Variants in CERK observed in about 807,000 individuals in gnomAD.
CERK encodes acylsphingosine kinase.
A neutral mutation model predicts 63.4 loss-of-function variants in CERK; 39 were observed. That is an observed-to-expected ratio of 0.61 (90% CI 0.48 to 0.80). The LOEUF is 0.80. CERK is among the 30% of genes least tolerant of loss of function. The probability of loss-of-function intolerance (pLI) is 0.00; values close to 1 mark genes in which losing one functional copy is unlikely to be tolerated. For synonymous variants in CERK, 302 were observed against 280.0 expected, an observed-to-expected ratio of 1.08 and a Z score of -0.78; for missense variants, 670 against 714.1, an observed-to-expected ratio of 0.94 and a Z score of 0.70.
chr22:46,689,202 C>T (rs1020562159), intron 12 of CERK, among the ~76,000 whole-genome samples: 1 of 152,144 alleles, frequency 6.6e-6, no homozygotes, highest in Non-Finnish European at 1.5e-5. Context: ...CCCTCTGGGG[C>T]TCCTCCTCTC....
At position 46,723,645 on chromosome 22, in the gene CERK, A is replaced by C. The variant is rs182891588; in HGVS notation, c.143-2630T>G. On this transcript the variant is annotated intron_variant, in intron 1 of 12. Transcript: ENST00000216264. ...GGAAAACAAAAAAAGAAGAAGAAGA[A>C]TATAGCTGACCTCTGAACAACATGG... Among the ~76,000 whole-genome samples the C allele has an allele frequency of 2.1e-3, 318 of 152,138 alleles. 1 individual carries two copies. The highest frequency in any genetic ancestry group is 3.8e-3 in the Non-Finnish European group (261 of 67,978).
chr22:46,708,424 T>C (rs2082824602), intron 5 of CERK, among the ~76,000 whole-genome samples: 1 of 152,250 alleles, frequency 6.6e-6, no homozygotes, highest in African/African-American at 2.4e-5. Context: ...ACGTTTCTCC[T>C]TTGCTAAGCT....
intron 6 of CERK, among the ~76,000 whole-genome samples, chr22:46,703,678 C>T (rs1015629340): frequency 2.6e-5 from 4 of 152,196 alleles, no homozygotes; most frequent in Admixed American, 6.5e-5. Context: ...CCCCATGCAG[C>T]GCCCTTACCG....
chr22:46,726,430 G>C (rs1440429650), intron 1 of CERK, among the ~76,000 whole-genome samples: 1 of 152,132 alleles, frequency 6.6e-6, no homozygotes, highest in Admixed American at 6.5e-5. Context: ...CACTGCAGGG[G>C]ATGCTGAGGC....
At chr22:46,707,341 GACCAAGCCGA>G (rs2082817937) in intron 6 of CERK, among the ~76,000 whole-genome samples, 1 of 152,182 alleles carries the variant, frequency 6.6e-6, no homozygotes, top group Non-Finnish European at 1.5e-5. Context: ...ATGTTGAATG[GACCAAGCCGA>G]ACCAGCACTT....
At chr22:46,687,612 T>C (rs1405062551) in intron 12 of CERK, among the ~76,000 whole-genome samples, 1 of 149,602 alleles carries the variant, frequency 6.7e-6, no homozygotes, top group Non-Finnish European at 1.5e-5. Flanking sequence ...TTCTCAGCAG[T>C]ACTGAGCGCG....
Position 46,690,096 on chromosome 22 carries a change from G to A in CERK, c.1437C>T (p.Arg479=). 1 of 1,614,038 alleles carries A rather than the reference G, an allele frequency of 6.2e-7. No individual in the cohort carries two copies. The highest frequency in any genetic ancestry group is 8.5e-7 in the Non-Finnish European group (1 of 1,180,010). The change falls in exon 12 of 13, where the codon CGC becomes CGT. Residue 479 remains arginine (R), a synonymous_variant. Coordinates refer to ENST00000216264, the MANE Select transcript of CERK (RefSeq NM_022766.6). ...DSDLKEGGKK[R]FGHICSSHPS... The stretch of plus-strand genomic sequence containing the variant: ...GGTGGCTGCTGCAAATGTGCCCAAA[G>A]CGCTTCTTCCCCCCCTCCTTGAGGT...
At position 46,685,371 on chromosome 22, in the gene CERK, G is replaced by A. The variant is rs4823869; in HGVS notation, c.*1763C>T. On this transcript the variant is annotated 3_prime_UTR_variant, in exon 13 of 13. Transcript: ENST00000216264. ...CAGGCGTGAGCCACCGCGCCCAGCC[G>A]GGAAACATTTACCAGGGACAATAAA... The A allele has an allele frequency of 0.088, 13,444 of 152,292 alleles. 1,308 individuals are homozygous for A. Among genetic ancestry groups the A allele is most frequent in the African/African-American group, 0.24 (9,956 of 41,490 alleles). 9.4% of individuals were successfully genotyped at this position (152,292 alleles called of 1,614,324 possible).
chr22:46,711,898 A>G (rs1005512679), intron 4 of CERK, among the ~76,000 whole-genome samples: 11 of 152,138 alleles, frequency 7.2e-5, no homozygotes, highest in Admixed American at 6.5e-4. Flanking sequence ...AACCAGCCTA[A>G]GCAATATGGT....
intron 12 of CERK, among the ~76,000 whole-genome samples, chr22:46,688,182 C>CT (rs1311910620): frequency 6.6e-6 from 1 of 152,098 alleles, no homozygotes; most frequent in Non-Finnish European, 1.5e-5. Flanking sequence ...GAGCAAAACT[C>CT]TGTCTCAAAA....
chr22:46,708,029 G>A (rs776057270), intron 5 of CERK, 41 bp from the exon 6 acceptor site: 11 of 1,565,030 alleles, frequency 7.0e-6, no homozygotes, highest in Middle Eastern at 1.7e-4. Context: ...CTGCAGGTGC[G>A]GCCCTCTGAG....
chr22:46,734,389 C>T (rs554846510), intron 1 of CERK, among the ~76,000 whole-genome samples: 3 of 151,850 alleles, frequency 2.0e-5, no homozygotes, highest in East Asian at 1.9e-4. Context: ...ATAAAGCAGC[C>T]GGGCACAAAG....
Position 46,689,907 on chromosome 22 carries a change from C to T in CERK, c.1541+85G>A, listed in dbSNP as rs1430426587. ...TTGTGTTTATAAAGCCCCAGGGAAC[C>T]CCCCACCCTGGGTGGGGCAGCTTGT... On this transcript the variant is annotated intron_variant, in intron 12 of 12. Coordinates refer to ENST00000216264, the MANE Select transcript of CERK (RefSeq NM_022766.6). 1.4e-5 allele frequency: 13 copies of T among 960,528 alleles called. No individual in the cohort carries two copies. In the East Asian group the frequency reaches 1.9e-4, roughly 14 times the overall value. 59.5% of individuals were successfully genotyped at this position (960,528 alleles called of 1,614,324 possible). A position where few individuals can be genotyped will look rare whatever the true frequency, so the allele number is the denominator to read the frequency against.
In CERK at chr22:46,699,457, G is replaced by T. The variant is rs766577300; in HGVS notation, c.799C>A (p.Leu267Met). 6.2e-7 allele frequency: 1 copy of T among 1,614,150 alleles called. No individual in the cohort carries two copies. The stretch of plus-strand genomic sequence containing the variant: ...TGGACTGAGGACACATCCATGGCCA[G>T]CGAGTCCCCTGTGGGAGAGAACGGC... ...SALHIVVGDS[L>M]AMDVSSVHHN... The change falls in exon 8 of 13, where the codon CTG becomes ATG. Residue 267 changes from leucine to methionine, a missense_variant. Leu to Met is a conservative substitution (Grantham distance 15). Coordinates refer to ENST00000216264, the MANE Select transcript of CERK (RefSeq NM_022766.6).
At chr22:46,720,562 G>A (rs1370571038) in intron 2 of CERK, among the ~76,000 whole-genome samples, 1 of 152,096 alleles carries the variant, frequency 6.6e-6, no homozygotes, top group Non-Finnish European at 1.5e-5. Flanking sequence ...CGGGTGTGGT[G>A]GCGGGCACCT....
rs116840095 is a variant in CERK at position 46,721,050 on chromosome 22, C to T, written c.143-35G>A. On this transcript the variant is annotated intron_variant, in intron 1 of 12. Coordinates refer to ENST00000216264, the MANE Select transcript of CERK (RefSeq NM_022766.6). Reference sequence around the variant, plus strand: ...CACCACGTCCTTCTGTCAAAGAATTCGTCAGAATCCACACAGGTAAAATCA... The same window carrying T: ...CACCACGTCCTTCTGTCAAAGAATTTGTCAGAATCCACACAGGTAAAATCA... 933 of 1,345,906 alleles carry T rather than the reference C, an allele frequency of 6.9e-4. 8 individuals are homozygous for T. The African/African-American group carries it at 0.012, about 18-fold the overall frequency. 83.4% of individuals were successfully genotyped at this position (1,345,906 alleles called of 1,614,324 possible). A position where few individuals can be genotyped will look rare whatever the true frequency, so the allele number is the denominator to read the frequency against.
intron 3 of CERK, 50 bp from the exon 4 acceptor site, chr22:46,712,343 G>C (rs781771145): frequency 6.3e-7 from 1 of 1,577,792 alleles, no homozygotes; most frequent in Non-Finnish European, 8.7e-7. Context: ...AAATCAAAAC[G>C]AAGAGCTCTG....
chr22:46,688,590 G>A lies in CERK; in HGVS notation c.1542-1384C>T, dbSNP rs146403115. 1.2e-3 allele frequency among the ~76,000 whole-genome samples: 182 copies of A among 152,364 alleles called. 1 individual carries two copies. The highest frequency in any genetic ancestry group is 3.9e-3 in the African/African-American group (162 of 41,584). The stretch of plus-strand genomic sequence containing the variant: ...TCCTCCCTTAGGCTTGTTCGGATGC[G>A]AATGGGAGAAGCTTTCTTAGAGCCG... On this transcript the variant is annotated intron_variant, in intron 12 of 12. Transcript: ENST00000216264.
rs117763672 is a variant in CERK at position 46,728,429 on chromosome 22, G to A, written c.143-7414C>T. Reference sequence around the variant, plus strand: ...TCACCCCAGATTCTGGAGCAGCCTCGCTCTGAGTCCCCACTCCCCAACCTG... The same window carrying A: ...TCACCCCAGATTCTGGAGCAGCCTCACTCTGAGTCCCCACTCCCCAACCTG... On this transcript the variant is annotated intron_variant, in intron 1 of 12. Transcript: ENST00000216264. Among the ~76,000 whole-genome samples, 705 of 152,174 alleles carry A rather than the reference G, an allele frequency of 4.6e-3. 11 individuals carry two copies. The highest frequency in any genetic ancestry group is 0.013 in the East Asian group (67 of 5,174).
Sources: gnomAD v4.1 joint callset for allele counts (sites outside exome capture counted in the v4.1 genomes callset) on GRCh38, gnomAD v4.1.1 for gene constraint, MANE v1.5 for transcripts, NCBI Gene and HGNC (gene_info 2026-07-23, HGNC 2026-07-21) for gene names.